The following SH3RF2 variants were observed in gnomAD, a reference collection of about 807,000 sequenced individuals.
SH3RF2 encodes E3 ubiquitin-protein ligase SH3RF2.
A neutral mutation model predicts 59.0 loss-of-function variants in SH3RF2; 43 were observed. That is an observed-to-expected ratio of 0.73 (90% CI 0.57 to 0.94). SH3RF2 has a LOEUF of 0.94. SH3RF2 is among the 40% of genes least tolerant of loss of function. The pLI is 0.00. For synonymous variants in SH3RF2, 391 were observed against 391.5 expected, an observed-to-expected ratio of 1.00 and a Z score of 0.01; for missense variants, 930 against 940.1, an observed-to-expected ratio of 0.99 and a Z score of 0.14.
chr5:145,972,648 G>C (rs1416503444), intron 2 of SH3RF2, among the ~76,000 whole-genome samples: 2 of 152,234 alleles, frequency 1.3e-5, no homozygotes, highest in African/African-American at 2.4e-5. Context: ...GTCACAGGAA[G>C]AGCAAGTGTC....
chr5:145,944,082 A>G (rs183152550), intron 2 of SH3RF2, among the ~76,000 whole-genome samples: 18 of 152,316 alleles, frequency 1.2e-4, no homozygotes, highest in Admixed American at 5.9e-4. Context: ...GCTCAGATAT[A>G]GGTTGTGCAG....
chr5:145,984,637 G>A (rs1444358672), intron 2 of SH3RF2, among the ~76,000 whole-genome samples: 1 of 152,128 alleles, frequency 6.6e-6, no homozygotes, highest in Non-Finnish European at 1.5e-5. Context: ...CAGACTTTTT[G>A]TTGAAAGAAA....
intron 2 of SH3RF2, among the ~76,000 whole-genome samples, chr5:145,951,011 C>T (rs1183261347): frequency 1.3e-5 from 2 of 152,084 alleles, no homozygotes; most frequent in Non-Finnish European, 2.9e-5. Flanking sequence ...TCCAGCAACC[C>T]AAATTTAAAA....
At chr5:146,066,362 G>A (rs1264152957), downstream of SH3RF2, among the ~76,000 whole-genome samples, 1 of 152,152 alleles carries the variant, frequency 6.6e-6, no homozygotes, top group South Asian at 2.1e-4. Context: ...TCAGAGCCTC[G>A]TTTTCTTACA....
intron 2 of SH3RF2, among the ~76,000 whole-genome samples, chr5:145,967,894 A>T (rs1326180293): frequency 6.6e-6 from 1 of 152,170 alleles, no homozygotes; most frequent in Non-Finnish European, 1.5e-5. Context: ...TCCTGACCTC[A>T]AGTGATCCAC....
chr5:145,996,557 GTTTC>G (rs1489872840), intron 2 of SH3RF2, among the ~76,000 whole-genome samples: 7 of 152,126 alleles, frequency 4.6e-5, no homozygotes, highest in African/African-American at 7.2e-5. Context: ...CTGACTAATT[GTTTC>G]TTTGTCTCAG....
chr5:145,959,834 A>G (rs1758562743), intron 2 of SH3RF2, among the ~76,000 whole-genome samples: 1 of 152,064 alleles, frequency 6.6e-6, no homozygotes, highest in Non-Finnish European at 1.5e-5. Context: ...CTATTGCTGT[A>G]GTTGGAGGTC....
chr5:146,079,508 G>GGAC (rs1763392435), exon 10 of SH3RF2: 1 of 152,166 alleles, frequency 6.6e-6, no homozygotes, highest in Admixed American at 6.5e-5. Context: ...CAGCATCACT[G>GGAC]GGATATGTCG....
chr5:146,073,817 A>T (rs1228217801), intron 9 of SH3RF2, among the ~76,000 whole-genome samples: 3 of 152,290 alleles, frequency 2.0e-5, no homozygotes, highest in African/African-American at 7.2e-5. Flanking sequence ...TACATGTCAG[A>T]TGTTATGAAA....
chr5:146,020,136 A>C (rs1030974861), intron 5 of SH3RF2, among the ~76,000 whole-genome samples: 1 of 152,094 alleles, frequency 6.6e-6, no homozygotes, highest in Non-Finnish European at 1.5e-5. Context: ...TCCCAAAAAG[A>C]TTAAGTAATT....
rs959096971 is a variant in SH3RF2, at chr5:145,961,251, T to C, written c.378+22945T>C. Among the ~76,000 whole-genome samples the C allele has an allele frequency of 1.3e-4, 19 of 145,606 alleles. 1 individual carries two copies. Among genetic ancestry groups the C allele is most frequent in the Non-Finnish European group, 1.5e-5 (1 of 66,784 alleles). On this transcript the variant is annotated intron_variant, in intron 2 of 9. Coordinates refer to ENST00000359120, the MANE Select transcript of SH3RF2 (RefSeq NM_152550.4). ...AGTGGGGGAAAGTTCTGAGGGGTCATCTTCAGTTGTCACTTATGACAATCT... is the reference window on the plus strand; with the variant it reads ...AGTGGGGGAAAGTTCTGAGGGGTCACCTTCAGTTGTCACTTATGACAATCT...
intron 2 of SH3RF2, among the ~76,000 whole-genome samples, chr5:145,960,018 GGCATGTATGTATGTAT>G (rs769595614): frequency 2.0e-5 from 3 of 151,980 alleles, no homozygotes; most frequent in African/African-American, 4.8e-5. Context: ...AACTATTCTG[GGCATGTATGTATGTAT>G]GCATGTATGT....
intron 2 of SH3RF2, among the ~76,000 whole-genome samples, chr5:145,945,778 A>G (rs754510393): frequency 3.3e-5 from 5 of 152,190 alleles, no homozygotes; most frequent in Admixed American, 6.5e-5. Context: ...TCTCTGTAAT[A>G]AAGTCTCTCC....
chr5:145,997,102 G>A (rs1760194205), intron 2 of SH3RF2: 1 of 601,944 alleles, frequency 1.7e-6, no homozygotes, highest in East Asian at 2.8e-5. Flanking sequence ...CTCGTATCAC[G>A]GGCATTTGTT....
chr5:146,009,020 A>G (rs565584797), intron 4 of SH3RF2, among the ~76,000 whole-genome samples: 14 of 152,326 alleles, frequency 9.2e-5, no homozygotes, highest in Non-Finnish European at 1.6e-4. Flanking sequence ...GAGCTTGTTC[A>G]TTCACCTCGT....
At chr5:146,007,405 T>C (rs1180424543) in intron 4 of SH3RF2, among the ~76,000 whole-genome samples, 1 of 152,186 alleles carries the variant, frequency 6.6e-6, no homozygotes, top group Non-Finnish European at 1.5e-5. Context: ...TCTTGATTTA[T>C]AGACATAGGT....
At chr5:146,079,699 C>T (rs17796864) in exon 10 of SH3RF2, 34,278 of 152,086 alleles carry the variant, frequency 0.23, 4,882 homozygotes, top group Admixed American at 0.34. Context: ...AAACAGGCAG[C>T]CATCTTTTAA....
intron 2 of SH3RF2, among the ~76,000 whole-genome samples, chr5:145,948,737 AAG>A (rs1252779670): frequency 6.6e-6 from 1 of 152,132 alleles, no homozygotes; most frequent in Non-Finnish European, 1.5e-5. Context: ...GTTCCTCCGG[AAG>A]TCAGCCCTCT....
chr5:145,982,962 C>T (rs896266284), intron 2 of SH3RF2, among the ~76,000 whole-genome samples: 3 of 152,030 alleles, frequency 2.0e-5, no homozygotes, highest in East Asian at 1.9e-4. Context: ...AATAATACCC[C>T]GCAATGTCAT....
Sources: gnomAD v4.1 joint callset for allele counts (sites outside exome capture counted in the v4.1 genomes callset) on GRCh38, gnomAD v4.1.1 for gene constraint, MANE v1.5 for transcripts, NCBI Gene and HGNC (gene_info 2026-07-23, HGNC 2026-07-21) for gene names.